HEATR3: variants seen among roughly 807,000 people sequenced by gnomAD.
HEATR3 encodes HEAT repeat-containing protein 3.
HEATR3 carries 56 observed loss-of-function variants against 72.8 expected under a neutral mutation model. The observed-to-expected ratio is 0.77, with a 90% confidence interval of 0.62 to 0.96. The LOEUF is 0.96. HEATR3 is among the 40% of genes least tolerant of loss of function. The pLI, the probability that HEATR3 is intolerant of heterozygous loss-of-function variation, is 0.00. For synonymous variants in HEATR3, 331 were observed against 318.1 expected (o/e 1.04, Z -0.43); for missense variants, 747 against 831.4 (o/e 0.90, Z 1.25).
In HEATR3 at chr16:50,105,390, A is replaced by AT; in HGVS notation, c.*329_*330insT. The AT allele has an allele frequency of 5.4e-5, 14 of 257,272 alleles. No homozygotes were observed. The highest frequency in any genetic ancestry group is 8.9e-5 in the Non-Finnish European group (12 of 135,188). The allele number at this position is 257,272 out of a possible 1,614,324, so 15.9% of individuals were successfully genotyped here. On this transcript the variant is annotated 3_prime_UTR_variant, in exon 15 of 15. Transcript: ENST00000299192. ...GGGAGGAGAGTCGGTTGAACCTGGGAGACAGAGGTTGCAGTGAGCTGAGAT... is the reference window on the plus strand; with the variant it reads ...GGGAGGAGAGTCGGTTGAACCTGGGATGACAGAGGTTGCAGTGAGCTGAGAT...
At position 50,066,355 on chromosome 16, in the gene HEATR3, T is replaced by G. The variant is rs1243840683; in HGVS notation, c.139-12T>G. The G allele has an allele frequency of 4.5e-6, 7 of 1,554,924 alleles. No homozygotes were observed. The East Asian group carries it at 7.3e-5, about 16-fold the overall frequency. ...TTGCGCGCCTTCTGACCCTTTTCGC[T>G]CTCATCCGCAGCTCCAGCACCCGAG... On this transcript the variant is annotated splice_polypyrimidine_tract_variant and intron_variant, in intron 1 of 14. Coordinates refer to ENST00000299192, the MANE Select transcript of HEATR3 (RefSeq NM_182922.4).
chr16:50,092,436 C>CTTTTTTCTTTTTTTTTTTTTTTTTT (rs55971965), intron 11 of HEATR3, among the ~76,000 whole-genome samples: 1 of 106,032 alleles, frequency 9.4e-6, no homozygotes, highest in Non-Finnish European at 1.8e-5. Context: ...TTTCTTTTTT[C>CTTTTTTCTTTTTTTTTTTTTTTTTT]TTTTTTTTTT....
At chr16:50,103,750 G>A (rs528523049) in intron 14 of HEATR3, among the ~76,000 whole-genome samples, 1 of 152,354 alleles carries the variant, frequency 6.6e-6, no homozygotes, top group East Asian at 1.9e-4. Flanking sequence ...CACAGGCCAG[G>A]CGCAGTGGCT....
At chr16:50,077,420 G>A (rs997816219) in intron 6 of HEATR3, among the ~76,000 whole-genome samples, 5 of 152,110 alleles carry the variant, frequency 3.3e-5, no homozygotes, top group African/African-American at 2.4e-5. Context: ...CTCCCAAAGT[G>A]CTGGAATTAC....
intron 4 of HEATR3, among the ~76,000 whole-genome samples, chr16:50,071,192 A>G (rs1339191810): frequency 6.6e-6 from 1 of 151,768 alleles, no homozygotes; most frequent in Non-Finnish European, 1.5e-5. Context: ...GCCCCATTTT[A>G]TGTCCCACAT....
At chr16:50,091,873 C>CAA (rs1157532465) in intron 11 of HEATR3, among the ~76,000 whole-genome samples, 12 of 62,458 alleles carry the variant, frequency 1.9e-4, no homozygotes, top group Admixed American at 3.7e-4. Flanking sequence ...GACTCTGTCT[C>CAA]AAAAAAAAAA....
chr16:50,100,365 A>G lies in HEATR3; in HGVS notation c.1735A>G (p.Thr579Ala). ...TGCCAAAGAAGATGGTACACTTGAA[A>G]CTCTTAAGGTAAAACAATTTGCTTC... Reference protein sequence around the residue: ...VLAKEDGTLETLKNIGCFLLE... With the variant: ...VLAKEDGTLEALKNIGCFLLE... Residue 579 changes from threonine (T) to alanine (A), a missense_variant, in exon 13 of 15, where the codon ACT becomes GCT. Thr to Ala is a moderately conservative substitution (Grantham distance 58). This residue lies in a region of HEATR3 where 586 missense variants were observed against 708.8 expected (regional missense o/e 0.83). Coordinates refer to ENST00000299192, the MANE Select transcript of HEATR3 (RefSeq NM_182922.4). 2 of 1,613,776 alleles carry G rather than the reference A, an allele frequency of 1.2e-6. No individual in the cohort carries two copies. Among genetic ancestry groups the G allele is most frequent in the Non-Finnish European group, 1.7e-6 (2 of 1,179,896 alleles).
Position 50,106,654 on chromosome 16 carries a change from T to G in HEATR3, c.*1593T>G, listed in dbSNP as rs1416104383. 6.6e-6 allele frequency: 1 copy of G among 152,144 alleles called. No individual in the cohort carries two copies. Among genetic ancestry groups the G allele is most frequent in the East Asian group, 1.9e-4 (1 of 5,188 alleles). 9.4% of individuals were successfully genotyped at this position (152,144 alleles called of 1,614,324 possible). A position where few individuals can be genotyped will look rare whatever the true frequency, so the allele number is the denominator to read the frequency against. On this transcript the variant is annotated 3_prime_UTR_variant, in exon 15 of 15. Transcript: ENST00000299192. Reference sequence around the variant, plus strand: ...CGGCTTCATTGTCCATCCGTTTGCCTGATGAGAAGGGAAATTTGAAAATTT... The same window carrying G: ...CGGCTTCATTGTCCATCCGTTTGCCGGATGAGAAGGGAAATTTGAAAATTT...
chr16:50,091,512 T>A (rs2037110722), intron 11 of HEATR3, among the ~76,000 whole-genome samples: 1 of 151,774 alleles, frequency 6.6e-6, no homozygotes, highest in South Asian at 2.1e-4. Flanking sequence ...TCTGAAAAAT[T>A]CACCTGAGTA....
At chr16:50,067,774 T>G (rs1023967512) in intron 2 of HEATR3, among the ~76,000 whole-genome samples, 2 of 152,206 alleles carry the variant, frequency 1.3e-5, no homozygotes, top group Non-Finnish European at 2.9e-5. Context: ...TTCACTGATA[T>G]AGCAAATATG....
intron 11 of HEATR3, among the ~76,000 whole-genome samples, chr16:50,088,780 A>G (rs1033196088): frequency 5.3e-5 from 8 of 152,008 alleles, no homozygotes; most frequent in African/African-American, 1.9e-4. Context: ...AGAGCCAGGC[A>G]GGGAGTCCAC....
chr16:50,099,865 A>AT (rs764510715), intron 12 of HEATR3, among the ~76,000 whole-genome samples: 1 of 152,190 alleles, frequency 6.6e-6, no homozygotes, highest in African/African-American at 2.4e-5. Context: ...GACTCAGCCA[A>AT]TTTTTTTAAA....
Position 50,086,312 on chromosome 16 carries a change from C to T in HEATR3, c.1471C>T (p.Leu491Phe). 1 of 1,597,112 alleles carries T rather than the reference C, an allele frequency of 6.3e-7. No homozygotes were observed. The highest frequency in any genetic ancestry group is 2.2e-5 in the East Asian group (1 of 44,676). Residue 491 changes from leucine (L) to phenylalanine (F), a missense_variant, in exon 11 of 15, where the codon CTT becomes TTT. By Grantham distance (22) the Leu-to-Phe change is conservative. Transcript: ENST00000299192. ...GGGAGGAGCCGCAGCCCTTCAGACGCTTGCACAGCATCTGTCACAGCTGCT... is the reference window on the plus strand; with the variant it reads ...GGGAGGAGCCGCAGCCCTTCAGACGTTTGCACAGCATCTGTCACAGCTGCT... Reference protein sequence around the residue: ...HLGGAAALQTLAQHLSQLLFS... With the variant: ...HLGGAAALQTFAQHLSQLLFS...
In HEATR3 at chr16:50,066,666, A is replaced by G. The variant is rs548607437; in HGVS notation, c.311+127A>G. 3.4e-5 allele frequency: 30 copies of G among 874,244 alleles called. No individual in the cohort carries two copies. In the African/African-American group the frequency reaches 4.7e-4, roughly 14 times the overall value. The allele number at this position is 874,244 out of a possible 1,614,324, so 54.2% of individuals were successfully genotyped here. A position where few individuals can be genotyped will look rare whatever the true frequency, so the allele number is the denominator to read the frequency against. On this transcript the variant is annotated intron_variant, in intron 2 of 14. Transcript: ENST00000299192. Reference sequence around the variant, plus strand: ...GGCACTGGCCCGGTCTCCCGTTTGCAGAGATTTGAAGCCAGTCTCCAGGCT... The same window carrying G: ...GGCACTGGCCCGGTCTCCCGTTTGCGGAGATTTGAAGCCAGTCTCCAGGCT...
intron 14 of HEATR3, among the ~76,000 whole-genome samples, chr16:50,103,738 A>G (rs1325781714): frequency 6.6e-6 from 1 of 152,120 alleles, no homozygotes; most frequent in African/African-American, 2.4e-5. Flanking sequence ...GATATAAAAA[A>G]CCACAGGCCA....
chr16:50,091,106 T>C (rs759303279), intron 11 of HEATR3, among the ~76,000 whole-genome samples: 1 of 151,814 alleles, frequency 6.6e-6, no homozygotes, highest in African/African-American at 2.4e-5. Flanking sequence ...ATTGCACCAC[T>C]GCACTCCAGC....
chr16:50,094,566 T>C (rs1314730641), intron 11 of HEATR3, 139 bp from the exon 12 acceptor site: 1 of 510,424 alleles, frequency 2.0e-6, no homozygotes. Context: ...GGCTTAAATA[T>C]CGAGGGTTTT....
At chr16:50,100,860 C>G (rs1330359605) in intron 13 of HEATR3, 1 of 189,768 alleles carries the variant, frequency 5.3e-6, no homozygotes, top group African/African-American at 2.4e-5. Flanking sequence ...TAGCAATTCC[C>G]TCAGCATATT....
At chr16:50,077,885 T>TTTTTTTTTC (rs2036773549) in intron 6 of HEATR3, among the ~76,000 whole-genome samples, 1 of 141,518 alleles carries the variant, frequency 7.1e-6, no homozygotes, top group Admixed American at 7.2e-5. Context: ...TAATTTTTTT[T>TTTTTTTTTC]TTTTTTTTTG....
Sources: allele counts gnomAD v4.1 joint callset (sites outside exome capture counted in the v4.1 genomes callset), GRCh38; gene constraint gnomAD v4.1.1; regional missense constraint gnomAD v4.1.1; transcripts MANE v1.5; gene names NCBI Gene and HGNC (gene_info 2026-07-23, HGNC 2026-07-21).